Variants in TALDO1 observed in about 807,000 individuals in gnomAD.
TALDO1 encodes transaldolase 1, also known as transaldolase.
In TALDO1, 29 loss-of-function variants were observed where a neutral mutation model predicts 38.1. The ratio of observed to expected loss-of-function variants is 0.76; its 90% CI spans 0.57 to 1.04. The LOEUF is 1.04. Among genes scored for constraint, TALDO1 ranks in the 50% least tolerant of loss-of-function variants. The pLI is 0.00. For synonymous variants in TALDO1, 207 were observed against 176.8 expected (o/e 1.17, Z -1.36); for missense variants, 499 against 438.1 (o/e 1.14, Z -1.24).
At chr11:748,832 T>C (rs1165161574) in intron 1 of TALDO1, among the ~76,000 whole-genome samples, 2 of 152,230 alleles carry the variant, frequency 1.3e-5, no homozygotes, top group Admixed American at 1.3e-4. Context: ...AGACCTCTCT[T>C]CATAAGAAAG....
At position 758,891 on chromosome 11, in the gene TALDO1, C is replaced by A. The variant is rs1590069915; in HGVS notation, c.222-59C>A. Reference sequence around the variant, plus strand: ...AAGTGCTGGGATTACAGGCGTGAGCCACCGCACCTGGCGAACCTCAGAAGC... The same window carrying A: ...AAGTGCTGGGATTACAGGCGTGAGCAACCGCACCTGGCGAACCTCAGAAGC... On this transcript the variant is annotated intron_variant, in intron 2 of 7. Coordinates refer to ENST00000319006, the MANE Select transcript of TALDO1 (RefSeq NM_006755.2). 3 of 1,440,088 alleles carry A rather than the reference C, an allele frequency of 2.1e-6. No homozygotes were observed. In the East Asian group the frequency reaches 7.4e-5, roughly 36 times the overall value. 89.2% of individuals were successfully genotyped at this position (1,440,088 alleles called of 1,614,324 possible).
intron 2 of TALDO1, 94 bp from the exon 3 acceptor site, chr11:758,856 C>T (rs1276915715): frequency 1.3e-5 from 12 of 895,376 alleles, no homozygotes; most frequent in African/African-American, 3.4e-5. Context: ...CCGCCCACCT[C>T]GGCCTCCCAA....
chr11:764,802 T>C lies in TALDO1; in HGVS notation c.982-11T>C. ...GTGGGGAGACACAGCTCGTGCTCTG[T>C]TTGTTTCTAGGAACGAATGTTCAAT... On this transcript the variant is annotated splice_polypyrimidine_tract_variant and intron_variant, in intron 7 of 7. Coordinates refer to ENST00000319006, the MANE Select transcript of TALDO1 (RefSeq NM_006755.2). The C allele has an allele frequency of 1.2e-6, 2 of 1,613,978 alleles. No homozygotes were observed. The highest frequency in any genetic ancestry group is 1.1e-5 in the South Asian group (1 of 91,084).
chr11:763,144 T>C (rs1862969944), intron 4 of TALDO1, among the ~76,000 whole-genome samples, 200 bp from the exon 5 acceptor site: 1 of 147,572 alleles, frequency 6.8e-6, no homozygotes, highest in South Asian at 2.1e-4. Flanking sequence ...GTGAGCGTCT[T>C]TGGCAGCCTG....
chr11:748,808 C>A (rs999933982), intron 1 of TALDO1, among the ~76,000 whole-genome samples: 3 of 152,248 alleles, frequency 2.0e-5, no homozygotes, highest in Non-Finnish European at 4.4e-5. Context: ...CACACAGCCC[C>A]CCCGTTGTAG....
Position 763,352 on chromosome 11 carries a change from A to C in TALDO1, c.470A>C (p.Glu157Ala), listed in dbSNP as rs1195564913. ...WEGIQAGKEL[E>A]EQHGIHCNMT... ...CTGTCCCCGCCCCGCAGGGAGCTCG[A>C]GGAGCAGCACGGCATCCACTGCAAC... The change falls in exon 5 of 8, where the codon GAG (glutamate) becomes GCG (alanine). Residue 157 changes from glutamate to alanine, a missense_variant. Glu to Ala is a moderately radical substitution (Grantham distance 107). Coordinates refer to ENST00000319006, the MANE Select transcript of TALDO1 (RefSeq NM_006755.2). The C allele has an allele frequency of 6.3e-7, 1 of 1,599,190 alleles. No homozygotes were observed. Among genetic ancestry groups the C allele is most frequent in the Non-Finnish European group, 8.5e-7 (1 of 1,173,368 alleles).
chr11:756,124 C>CT, intron 2 of TALDO1, 122 bp downstream of exon 2: 1 of 1,398,794 alleles, frequency 7.1e-7, no homozygotes, highest in Non-Finnish European at 9.5e-7. Flanking sequence ...GAAAAAAACC[C>CT]TATCTTTTTG....
In TALDO1 at chr11:755,944, A is replaced by T. The variant is rs753751838; in HGVS notation, c.163A>T (p.Met55Leu). The T allele has an allele frequency of 1.9e-6, 3 of 1,614,128 alleles. No homozygotes were observed. Among genetic ancestry groups the T allele is most frequent in the East Asian group, 4.5e-5 (2 of 44,876 alleles). ...NPSLILAAAQ[M>L]PAYQELVEEA... ...GTCCCTGATCCTGGCCGCAGCACAG[A>T]TGCCCGCTTACCAGGAGCTGGTGGA... is the stretch of plus-strand genomic sequence containing the variant. Residue 55 changes from methionine (M) to leucine (L), a missense_variant, in exon 2 of 8, where the codon ATG becomes TTG. Physicochemically the swap from Met to Leu is conservative, Grantham distance 15. Coordinates refer to ENST00000319006, the MANE Select transcript of TALDO1 (RefSeq NM_006755.2).
At chr11:764,733 C>T (rs1863019718) in intron 7 of TALDO1, 80 bp from the exon 8 acceptor site, 5 of 1,607,782 alleles carry the variant, frequency 3.1e-6, no homozygotes, top group Admixed American at 1.7e-5. Context: ...GGCCTCCCTC[C>T]TTCCACATGG....
At chr11:764,698 C>T in intron 7 of TALDO1, 115 bp from the exon 8 acceptor site, 2 of 1,547,446 alleles carry the variant, frequency 1.3e-6, no homozygotes, top group Non-Finnish European at 1.8e-6. Flanking sequence ...GCCGTGGCCC[C>T]CACACAGAGT....
rs1416091215 is a variant in TALDO1 at position 763,987 on chromosome 11, C to A, written c.835+43C>A. ...AGCTGTGGCTCCTGCTCGGGCAAGG[C>A]CAGCACTGCCGTGCCACGCTGCCCT... On this transcript the variant is annotated intron_variant, in intron 6 of 7. Transcript: ENST00000319006. The A allele has an allele frequency of 3.1e-6, 5 of 1,593,890 alleles. No homozygotes were observed. The South Asian group carries it at 3.3e-5, about 11-fold the overall frequency.
chr11:755,659 G>A (rs3895063), intron 1 of TALDO1: 55,033 of 611,260 alleles, frequency 0.09, 2,838 homozygotes, highest in Non-Finnish European at 0.11. Context: ...ATATTTGATC[G>A]CTGGGCACTT....
chr11:747,659 C>A, intron 1 of TALDO1, 81 bp downstream of exon 1: 1 of 1,282,104 alleles, frequency 7.8e-7, no homozygotes, highest in Non-Finnish European at 1.1e-6. Flanking sequence ...GTCTCCCGTT[C>A]CGGGACGCGG....
In TALDO1 at chr11:763,485, C is replaced by A. The variant is rs367566662; in HGVS notation, c.603C>A (p.Thr201=). Residue 201 remains threonine, a synonymous_variant, in exon 5 of 8, where the codon ACC becomes ACA. Coordinates refer to ENST00000319006, the MANE Select transcript of TALDO1 (RefSeq NM_006755.2). ...GRILDWHVAN[T]DKKSYEPLED... ...TCCTTGATTGGCATGTGGCAAACAC[C>A]GACAAGAAATCCTATGAGCCCCTGG... The A allele has an allele frequency of 3.1e-6, 5 of 1,613,466 alleles. No homozygotes were observed. Among genetic ancestry groups the A allele is most frequent in the Non-Finnish European group, 2.5e-6 (3 of 1,179,926 alleles).
chr11:761,443 G>C (rs1007677781), intron 4 of TALDO1, among the ~76,000 whole-genome samples: 1 of 151,106 alleles, frequency 6.6e-6, no homozygotes, highest in Non-Finnish European at 1.5e-5. Flanking sequence ...TGAGGTTCCA[G>C]TAGCTATGAT....
chr11:752,979 C>A (rs1399360200), intron 1 of TALDO1, among the ~76,000 whole-genome samples: 1 of 152,178 alleles, frequency 6.6e-6, no homozygotes, highest in Non-Finnish European at 1.5e-5. Flanking sequence ...GGATGCCCAG[C>A]TGGTATCCAC....
At chr11:763,996 C>A in intron 6 of TALDO1, 52 bp downstream of exon 6, 1 of 1,584,572 alleles carries the variant, frequency 6.3e-7, no homozygotes, top group Non-Finnish European at 8.6e-7. Flanking sequence ...GCCAGCACTG[C>A]CGTGCCACGC....
At chr11:761,369 C>T (rs1002908337) in intron 4 of TALDO1, among the ~76,000 whole-genome samples, 2 of 149,694 alleles carry the variant, frequency 1.3e-5, no homozygotes, top group African/African-American at 2.5e-5. Flanking sequence ...GAAAAACTAG[C>T]CCACCCCTGT....
rs975635344 is a variant in TALDO1, at chr11:755,964, G to A, written c.183G>A (p.Leu61=). Residue 61 remains leucine, a synonymous_variant, in exon 2 of 8, where the codon CTG becomes CTA. Transcript: ENST00000319006. The stretch of plus-strand genomic sequence containing the variant: ...CACAGATGCCCGCTTACCAGGAGCT[G>A]GTGGAGGAGGCGATTGCCTATGGCC... ...AAAQMPAYQE[L]VEEAIAYGRK... 21 of 1,613,832 alleles carry A rather than the reference G, an allele frequency of 1.3e-5. No homozygotes were observed. The highest frequency in any genetic ancestry group is 1.8e-5 in the Non-Finnish European group (21 of 1,179,970).
Sources: allele counts gnomAD v4.1 joint callset (sites outside exome capture counted in the v4.1 genomes callset), GRCh38; gene constraint gnomAD v4.1.1; transcripts MANE v1.5; gene names NCBI Gene and HGNC (gene_info 2026-07-23, HGNC 2026-07-21).